Variants in ADGRG6 observed in about 807,000 individuals in gnomAD.
The protein encoded by ADGRG6 is G-protein coupled receptor 126.
In ADGRG6, 84 loss-of-function variants were observed where a neutral mutation model predicts 142.4. The ratio of observed to expected loss-of-function variants is 0.59; its 90% CI spans 0.49 to 0.71. The LOEUF (loss-of-function observed/expected upper bound fraction) is 0.71, where lower values mean the gene tolerates loss of function less well. ADGRG6 is among the 30% of genes least tolerant of loss of function. The pLI, the probability that ADGRG6 is intolerant of heterozygous loss-of-function variation, is 0.00. For missense variants in ADGRG6, 1,367 were observed against 1,466.6 expected, an observed-to-expected ratio of 0.93 and a Z score of 1.11; for synonymous variants, 521 against 520.5, an observed-to-expected ratio of 1.00 and a Z score of -0.01.
At chr6:142,303,199 A>G (rs1777313410) in intron 1 of ADGRG6, among the ~76,000 whole-genome samples, 1 of 152,170 alleles carries the variant, frequency 6.6e-6, no homozygotes, top group Non-Finnish European at 1.5e-5. Flanking sequence ...ACCGTGACAG[A>G]CATTTTATCC....
At chr6:142,386,191 G>A (rs1782009168) in intron 6 of ADGRG6, among the ~76,000 whole-genome samples, 1 of 152,076 alleles carries the variant, frequency 6.6e-6, no homozygotes, top group South Asian at 2.1e-4. Flanking sequence ...TTTGCAATAG[G>A]ACTTTTATCT....
At chr6:142,308,197 G>T (rs996846075) in intron 1 of ADGRG6, among the ~76,000 whole-genome samples, 1 of 151,944 alleles carries the variant, frequency 6.6e-6, no homozygotes. Flanking sequence ...TTCTTGAAAG[G>T]CATCGTCTTA....
chr6:142,310,973 T>G (rs534653934), intron 2 of ADGRG6, among the ~76,000 whole-genome samples: 2 of 151,934 alleles, frequency 1.3e-5, no homozygotes, highest in African/African-American at 4.8e-5. Flanking sequence ...TGTTAGGTCA[T>G]GTATTTATAT....
At chr6:142,413,894 C>G (rs1366417139) in intron 18 of ADGRG6, among the ~76,000 whole-genome samples, 1 of 144,472 alleles carries the variant, frequency 6.9e-6, no homozygotes, top group Non-Finnish European at 1.5e-5. Context: ...ACCCACATTT[C>G]TTTATCACAC....
chr6:142,372,131 G>A (rs1163638757), intron 4 of ADGRG6, among the ~76,000 whole-genome samples: 1 of 152,134 alleles, frequency 6.6e-6, no homozygotes, highest in East Asian at 1.9e-4. Context: ...GATAAAAATT[G>A]TATTAAAATA....
rs538531788 is a variant in ADGRG6 at position 142,347,211 on chromosome 6, T to C, written c.104-20358T>C. ...GTCACTGTCCAAGAGGGAACAGATATGTTGAACAAGTGAAAGTTTGCTTAT... is the reference window on the plus strand; with the variant it reads ...GTCACTGTCCAAGAGGGAACAGATACGTTGAACAAGTGAAAGTTTGCTTAT... On this transcript the variant is annotated intron_variant, in intron 2 of 24. Transcript: ENST00000367609. Among the ~76,000 whole-genome samples, 8 of 152,274 alleles carry C rather than the reference T, an allele frequency of 5.3e-5. No homozygotes were observed. In the South Asian group the frequency reaches 1.2e-3, roughly 24 times the overall value.
chr6:142,398,692 C>G (rs535943336), intron 10 of ADGRG6, among the ~76,000 whole-genome samples: 18 of 152,208 alleles, frequency 1.2e-4, no homozygotes, highest in African/African-American at 4.3e-4. Flanking sequence ...CTCATTATCA[C>G]CTATGTATTT....
chr6:142,313,903 A>G (rs944503690), intron 2 of ADGRG6, among the ~76,000 whole-genome samples: 3 of 152,168 alleles, frequency 2.0e-5, no homozygotes, highest in Non-Finnish European at 4.4e-5. Flanking sequence ...AAAATTCAGT[A>G]TTGTGTATTG....
rs775829255 is a variant in ADGRG6 at position 142,411,441 on chromosome 6, A to G, written c.2541+30A>G. 6.5e-6 allele frequency: 7 copies of G among 1,081,188 alleles called. No homozygotes were observed. In the Admixed American group the frequency reaches 8.5e-5, roughly 13 times the overall value. The allele number at this position is 1,081,188 out of a possible 1,614,324, so 67.0% of individuals were successfully genotyped here. On this transcript the variant is annotated intron_variant, in intron 18 of 24. Transcript: ENST00000367609. ...GGGGGGAATTTCTAAGCTCATTTTG[A>G]CATGCTGTAACTTTGGATGGCATAC...
chr6:142,415,503 C>T (rs1776305310), intron 19 of ADGRG6, among the ~76,000 whole-genome samples: 1 of 151,978 alleles, frequency 6.6e-6, no homozygotes, highest in African/African-American at 2.4e-5. Context: ...AAATGTCATT[C>T]TTACAACTCT....
At chr6:142,431,236 A>G (rs938250959) in intron 22 of ADGRG6, among the ~76,000 whole-genome samples, 1 of 151,952 alleles carries the variant, frequency 6.6e-6, no homozygotes, top group Non-Finnish European at 1.5e-5. Context: ...TTTTTTCCTT[A>G]TTGTTCTAGC....
In ADGRG6 at chr6:142,445,894, C is replaced by T. The variant is rs1268518772; in HGVS notation, c.*2379C>T. ...TGTGTTAGAGTCATAGTCTAGGATC[C>T]TGAGAGATTTTCCATTCTTGTCACC... On this transcript the variant is annotated 3_prime_UTR_variant, in exon 25 of 25. Transcript: ENST00000367609. The T allele has an allele frequency of 6.6e-6, 1 of 152,062 alleles. No homozygotes were observed. The highest frequency in any genetic ancestry group is 6.6e-5 in the Admixed American group (1 of 15,248). The allele number at this position is 152,062 out of a possible 1,614,324, so 9.4% of individuals were successfully genotyped here. A position where few individuals can be genotyped will look rare whatever the true frequency, so the allele number is the denominator to read the frequency against.
At chr6:142,420,603 A>G (rs1283333648) in intron 22 of ADGRG6, among the ~76,000 whole-genome samples, 2 of 152,160 alleles carry the variant, frequency 1.3e-5, no homozygotes, top group Non-Finnish European at 1.5e-5. Context: ...CAGAATAAAT[A>G]CCAACACTCT....
At position 142,319,824 on chromosome 6, in the gene ADGRG6, A is replaced by G. The variant is rs115191518; in HGVS notation, c.103+10180A>G. On this transcript the variant is annotated intron_variant, in intron 2 of 24. Coordinates refer to ENST00000367609, the MANE Select transcript of ADGRG6 (RefSeq NM_198569.3). ...CTTTATCATAATTATGTTTGAAAGC[A>G]TCTTGAATTGGGAACTTTGGGCTAA... Among the ~76,000 whole-genome samples, 440 of 152,220 alleles carry G rather than the reference A, an allele frequency of 2.9e-3. 1 individual carries two copies. The highest frequency in any genetic ancestry group is 9.7e-3 in the African/African-American group (401 of 41,552).
Position 142,370,297 on chromosome 6 carries a change from A to G in ADGRG6, c.573A>G (p.Lys191=), listed in dbSNP as rs562933807. The change falls in exon 4 of 25, where the codon AAA becomes AAG. Residue 191 remains lysine, a synonymous_variant. Transcript: ENST00000367609. ...TCACACTCTGCTTTGAAGCAACCAA[A>G]GTTGGCCATGAAGACAGTGATTGGA... ...SAFTLCFEAT[K]VGHEDSDWTA... is the part of the protein sequence containing the mutation. The G allele has an allele frequency of 6.2e-7, 1 of 1,613,920 alleles. No homozygotes were observed. Among genetic ancestry groups the G allele is most frequent in the Admixed American group, 1.7e-5 (1 of 59,998 alleles).
intron 2 of ADGRG6, among the ~76,000 whole-genome samples, chr6:142,318,292 TATTA>T (rs1356883928): frequency 1.2e-5 from 1 of 82,018 alleles, no homozygotes; most frequent in Non-Finnish European, 2.1e-5. Context: ...TATATTTATA[TATTA>T]TATATATTTA....
chr6:142,440,751 A>G (rs753927244), intron 24 of ADGRG6, among the ~76,000 whole-genome samples: 2 of 152,182 alleles, frequency 1.3e-5, no homozygotes, highest in Non-Finnish European at 2.9e-5. Flanking sequence ...CAGTCAACTG[A>G]CTTCACATAG....
chr6:142,407,661 T>G (rs1381436625), intron 15 of ADGRG6, among the ~76,000 whole-genome samples: 1 of 152,182 alleles, frequency 6.6e-6, no homozygotes, highest in Non-Finnish European at 1.5e-5. Flanking sequence ...GGATGGGACT[T>G]GAATCCAGTA....
At chr6:142,362,519 CAG>C (rs1346341878) in intron 2 of ADGRG6, among the ~76,000 whole-genome samples, 1 of 152,062 alleles carries the variant, frequency 6.6e-6, no homozygotes, top group Non-Finnish European at 1.5e-5. Flanking sequence ...TTTTTGAGTG[CAG>C]AGCTTGAGGA....
Sources: allele counts gnomAD v4.1 joint callset (sites outside exome capture counted in the v4.1 genomes callset), GRCh38; gene constraint gnomAD v4.1.1; transcripts MANE v1.5; gene names NCBI Gene and HGNC (gene_info 2026-07-23, HGNC 2026-07-21).